The following TMEM232 variants were observed in gnomAD, a reference collection of about 807,000 sequenced individuals.
TMEM232 encodes the protein transmembrane protein 232.
TMEM232 carries 80 observed loss-of-function variants against 78.8 expected under a neutral mutation model. The ratio of observed to expected loss-of-function variants is 1.01; its 90% CI spans 0.85 to 1.22. The LOEUF (loss-of-function observed/expected upper bound fraction) is 1.22, where lower values mean the gene tolerates loss of function less well. Ranked by LOEUF, TMEM232 falls within the 50% of genes most tolerant of loss-of-function variation. TMEM232 has a pLI of 0.00. For synonymous variants in TMEM232, 297 were observed against 254.3 expected (o/e 1.17, Z -1.60); for missense variants, 881 against 742.2 (o/e 1.19, Z -2.17).
intron 10 of TMEM232, among the ~76,000 whole-genome samples, chr5:110,569,839 A>T (rs1776741351): frequency 6.6e-6 from 1 of 151,976 alleles, no homozygotes; most frequent in Non-Finnish European, 1.5e-5. Context: ...GGAACATATA[A>T]ACTTGAACTT....
intron 10 of TMEM232, among the ~76,000 whole-genome samples, chr5:110,574,063 T>C (rs73222680): frequency 0.043 from 6,546 of 152,058 alleles, 460 homozygotes; most frequent in African/African-American, 0.15. Context: ...AATCATAAGA[T>C]GCTTGTTAAA....
At chr5:110,403,262 G>T (rs1307727771) in intron 2 of TMEM232, among the ~76,000 whole-genome samples, 2 of 151,912 alleles carry the variant, frequency 1.3e-5, no homozygotes, top group Admixed American at 1.3e-4. Flanking sequence ...ACTACTATAG[G>T]GCAAAGAAAT....
chr5:110,428,798 T>A (rs1361646533), intron 12 of TMEM232, among the ~76,000 whole-genome samples: 2 of 151,764 alleles, frequency 1.3e-5, no homozygotes, highest in African/African-American at 2.4e-5. Flanking sequence ...GATCCTTACT[T>A]TAATCACATC....
intron 1 of TMEM232, among the ~76,000 whole-genome samples, chr5:110,703,520 C>T (rs1409566306): frequency 6.6e-6 from 1 of 152,040 alleles, no homozygotes; most frequent in Non-Finnish European, 1.5e-5. Context: ...TCTCTTTGCC[C>T]ATCAGAGCTT....
chr5:110,722,551 C>G (rs952457263), intron 1 of TMEM232, among the ~76,000 whole-genome samples: 1 of 152,194 alleles, frequency 6.6e-6, no homozygotes, highest in Non-Finnish European at 1.5e-5. Flanking sequence ...CTCCTCAGAG[C>G]TTCCTGTGTG....
At chr5:110,473,826 C>A (rs1762940684) in intron 12 of TMEM232, among the ~76,000 whole-genome samples, 1 of 121,180 alleles carries the variant, frequency 8.3e-6, no homozygotes, top group Admixed American at 9.8e-5. Context: ...AGAGGAAATT[C>A]TATGATATGC....
chr5:110,642,139 C>T (rs1786818266), intron 3 of TMEM232, 121 bp downstream of exon 3: 6 of 553,372 alleles, frequency 1.1e-5, no homozygotes, highest in Non-Finnish European at 1.2e-5. Flanking sequence ...TTTTAACTAT[C>T]CCTACTTATA....
chr5:110,506,768 T>A (rs1766954930), intron 12 of TMEM232, among the ~76,000 whole-genome samples: 1 of 152,208 alleles, frequency 6.6e-6, no homozygotes, highest in Non-Finnish European at 1.5e-5. Context: ...TTGGATTAGA[T>A]GCATCTCTGA....
chr5:110,720,283 T>C (rs1253247741), intron 1 of TMEM232, among the ~76,000 whole-genome samples: 7 of 152,098 alleles, frequency 4.6e-5, no homozygotes, highest in African/African-American at 1.7e-4. Context: ...GTATCAATAT[T>C]CTTGTCTTGC....
At chr5:110,444,169 A>G (rs1251231201) in intron 12 of TMEM232, among the ~76,000 whole-genome samples, 1 of 152,122 alleles carries the variant, frequency 6.6e-6, no homozygotes, top group Non-Finnish European at 1.5e-5. Flanking sequence ...TAGGAATTGT[A>G]GTCCTTGTGT....
At chr5:110,631,179 GC>G (rs1785077105) in intron 5 of TMEM232, among the ~76,000 whole-genome samples, 1 of 152,126 alleles carries the variant, frequency 6.6e-6, no homozygotes, top group Non-Finnish European at 1.5e-5. Context: ...CAGTACTGTG[GC>G]CCCCAAGTAG....
At chr5:110,543,900 A>G (rs1198181724) in intron 11 of TMEM232, among the ~76,000 whole-genome samples, 1 of 152,188 alleles carries the variant, frequency 6.6e-6, no homozygotes, top group African/African-American at 2.4e-5. Context: ...TTCTTCTCTT[A>G]AAGCCATTAT....
intron 10 of TMEM232, among the ~76,000 whole-genome samples, chr5:110,570,617 T>C (rs551925043): frequency 3.7e-4 from 57 of 152,108 alleles, no homozygotes; most frequent in Admixed American, 6.6e-4. Context: ...ACGAAGATAT[T>C]GGGTGAGTAT....
At chr5:110,554,652 A>G (rs1462666993) in intron 11 of TMEM232, among the ~76,000 whole-genome samples, 2 of 151,108 alleles carry the variant, frequency 1.3e-5, no homozygotes, top group African/African-American at 2.4e-5. Flanking sequence ...TGGTATCACA[A>G]TGATGCTGGC....
chr5:110,484,683 T>C (rs927862656), intron 12 of TMEM232, among the ~76,000 whole-genome samples: 14 of 151,840 alleles, frequency 9.2e-5, no homozygotes, highest in African/African-American at 2.4e-4. Flanking sequence ...AAACAGACTA[T>C]AAGACAAAAA....
In TMEM232 at chr5:110,518,759, CAT is replaced by C. The variant is rs141833583; in HGVS notation, c.1703+9827_1703+9828del. On this transcript the variant is annotated intron_variant, in intron 12 of 13. Coordinates refer to ENST00000455884, the MANE Select transcript of TMEM232 (RefSeq NM_001039763.4). ...AAGTTTGCCTTTTGGCAGCAACACT[CAT>C]ATGATTTTGGAACTTAAATAATGAT... Among the ~76,000 whole-genome samples the C allele has an allele frequency of 6.6e-3, 1,002 of 152,268 alleles. 10 individuals are homozygous for C. The highest frequency in any genetic ancestry group is 0.023 in the African/African-American group (949 of 41,556).
intron 12 of TMEM232, among the ~76,000 whole-genome samples, chr5:110,425,506 C>A (rs1412780241): frequency 6.6e-6 from 1 of 151,876 alleles, no homozygotes; most frequent in Admixed American, 6.6e-5. Flanking sequence ...TAGGGAAGAG[C>A]CTAAAAAGAG....
At chr5:110,685,631 C>G (rs1171745499) in intron 1 of TMEM232, among the ~76,000 whole-genome samples, 1 of 151,996 alleles carries the variant, frequency 6.6e-6, no homozygotes, top group African/African-American at 2.4e-5. Flanking sequence ...ACACCTACAC[C>G]CTGACCTAGA....
exon 5 of TMEM232, chr5:110,387,804 C>T (rs1440774512): frequency 6.6e-6 from 1 of 152,190 alleles, no homozygotes; most frequent in Non-Finnish European, 1.5e-5. Context: ...TTGGATTTGC[C>T]TGTTGTCCTT....
Sources: allele counts gnomAD v4.1 joint callset (sites outside exome capture counted in the v4.1 genomes callset), GRCh38; gene constraint gnomAD v4.1.1; transcripts MANE v1.5; gene names NCBI Gene and HGNC (gene_info 2026-07-23, HGNC 2026-07-21).